Variants in DRICH1 observed in about 807,000 individuals in gnomAD.
DRICH1 encodes aspartate-rich protein 1.
Under a neutral mutation model 39.5 loss-of-function variants are expected in DRICH1, and 38 were observed. The ratio of observed to expected loss-of-function variants is 0.96; its 90% CI spans 0.74 to 1.26. DRICH1 has a LOEUF of 1.26. Ranked by LOEUF, DRICH1 falls within the 50% of genes most tolerant of loss-of-function variation. The probability of loss-of-function intolerance (pLI) is 0.00; values close to 1 mark genes in which losing one functional copy is unlikely to be tolerated. For synonymous variants in DRICH1, 84 were observed against 99.5 expected, an observed-to-expected ratio of 0.84 and a Z score of 0.93; for missense variants, 279 against 270.4, an observed-to-expected ratio of 1.03 and a Z score of -0.22.
chr22:23,623,746 C>CAAA, intron 3 of DRICH1: 1 of 164,814 alleles, frequency 6.1e-6, no homozygotes, highest in Non-Finnish European at 1.3e-5. Flanking sequence ...AGATTGAAAT[C>CAAA]TACAAAAAAC....
At chr22:23,624,457 T>C (rs528758522) in intron 3 of DRICH1, 1 of 599,004 alleles carries the variant, frequency 1.7e-6, no homozygotes, top group South Asian at 7.3e-5. Flanking sequence ...TTTCTTTTTC[T>C]GTTTCTACAC....
chr22:23,583,039 G>A, the DRICH1 span: 2 of 152,218 alleles, frequency 1.3e-5, no homozygotes, highest in South Asian at 4.1e-4. Flanking sequence ...CCAGCATTTT[G>A]TTAAAGTGAG....
At chr22:23,629,779 A>G (rs8136933) in intron 1 of DRICH1, among the ~76,000 whole-genome samples, 42,956 of 151,534 alleles carry the variant, frequency 0.28, 6,250 homozygotes, top group African/African-American at 0.35. Context: ...CACCATGGCC[A>G]GCTAATTTTT....
At chr22:23,595,906 C>T in the DRICH1 span, among the ~76,000 whole-genome samples, 162 of 152,228 alleles carry the variant, frequency 1.1e-3, 2 homozygotes, top group South Asian at 9.1e-3. Context: ...CCATGGGGGA[C>T]GTTCATAACT....
In DRICH1 at chr22:23,612,236, C is replaced by T. The variant is rs184285198; in HGVS notation, c.685+1053G>A. On this transcript the variant is annotated intron_variant, in intron 11 of 11. Transcript: ENST00000317749. ...ATCCAAGCACTTTGGGAGGCTGAGGCGGGCAGATCGCCTGAGCTGAGGAGT... is the reference window on the plus strand; with the variant it reads ...ATCCAAGCACTTTGGGAGGCTGAGGTGGGCAGATCGCCTGAGCTGAGGAGT... Among the ~76,000 whole-genome samples the T allele has an allele frequency of 2.9e-3, 438 of 152,012 alleles. 3 individuals are homozygous for T. Among genetic ancestry groups the T allele is most frequent in the African/African-American group, 9.9e-3 (409 of 41,470 alleles).
rs374692477 is a variant in DRICH1, at chr22:23,620,623, G to A, written c.385-8C>T. The A allele has an allele frequency of 1.7e-4, 271 of 1,613,520 alleles. No individual in the cohort carries two copies. Among genetic ancestry groups the A allele is most frequent in the Admixed American group, 8.0e-4 (48 of 59,990 alleles). On this transcript the variant is annotated splice_polypyrimidine_tract_variant and splice_region_variant and intron_variant, in intron 4 of 11. Coordinates refer to ENST00000317749, the MANE Select transcript of DRICH1 (RefSeq NM_016449.4). ...GACACGTGACGGTAAAATCTGCAACGAGACAAAAGAAGATGCTATGAGGAT... is the reference window on the plus strand; with the variant it reads ...GACACGTGACGGTAAAATCTGCAACAAGACAAAAGAAGATGCTATGAGGAT...
chr22:23,607,513 G>A (rs1202489667), downstream of DRICH1, among the ~76,000 whole-genome samples: 1 of 145,844 alleles, frequency 6.9e-6, no homozygotes, highest in Non-Finnish European at 1.5e-5. Context: ...CCTTGGCCGT[G>A]GCCATGTCCT....
chr22:23,630,080 G>A (rs1294813512), intron 1 of DRICH1, among the ~76,000 whole-genome samples: 1 of 152,204 alleles, frequency 6.6e-6, no homozygotes, highest in African/African-American at 2.4e-5. Flanking sequence ...CTCAGAATCT[G>A]TGAGCTGACC....
At chr22:23,614,518 T>G (rs1927238411) in intron 8 of DRICH1, among the ~76,000 whole-genome samples, 1 of 152,206 alleles carries the variant, frequency 6.6e-6, no homozygotes, top group Non-Finnish European at 1.5e-5. Context: ...TCAAATGTTT[T>G]GAAACTCTTC....
At chr22:23,628,811 C>T (rs1429216383) in intron 1 of DRICH1, among the ~76,000 whole-genome samples, 1 of 152,066 alleles carries the variant, frequency 6.6e-6, no homozygotes. Flanking sequence ...CCTGCTCTGC[C>T]CCCCCACCAA....
chr22:23,616,867 G>A lies in DRICH1; in HGVS notation c.527C>T (p.Pro176Leu), dbSNP rs150057438. The A allele has an allele frequency of 5.2e-4, 834 of 1,613,960 alleles. 2 individuals carry two copies. In the African/African-American group the frequency reaches 7.5e-3, roughly 14 times the overall value. The stretch of plus-strand genomic sequence containing the variant: ...AAGGTACATACCCTGGACAGGTGAC[G>A]GTAAAATCTGCAATGAGATAAAAGA... ...DDDDDDAQIL[P>L]SPVQACSEDS... The change falls in exon 8 of 12, where the codon CCG becomes CTG. Residue 176 changes from proline to leucine, a missense_variant. By Grantham distance (98) the Pro-to-Leu change is moderately conservative. Coordinates refer to ENST00000317749, the MANE Select transcript of DRICH1 (RefSeq NM_016449.4).
chr22:23,620,712 G>A (rs907972172), intron 4 of DRICH1, 97 bp from the exon 5 acceptor site: 35 of 1,404,810 alleles, frequency 2.5e-5, no homozygotes, highest in Non-Finnish European at 3.4e-5. Context: ...CAGAAAACTA[G>A]TTGTGAAACT....
At chr22:23,613,749 A>G in intron 9 of DRICH1, 89 bp from the exon 10 acceptor site, 1 of 994,186 alleles carries the variant, frequency 1.0e-6, no homozygotes, top group Non-Finnish European at 1.5e-6. Context: ...ACGATAAAAA[A>G]CCAGAAGGCA....
At position 23,620,590 on chromosome 22, in the gene DRICH1, A is replaced by G. The variant is rs1239507725; in HGVS notation, c.406+4T>C. ...CAGAAAGTGAGTTAGTTCAAGGTACATACCCTGGACACGTGACGGTAAAAT... is the reference window on the plus strand; with the variant it reads ...CAGAAAGTGAGTTAGTTCAAGGTACGTACCCTGGACACGTGACGGTAAAAT... On this transcript the variant is annotated splice_donor_region_variant and intron_variant, in intron 5 of 11. Transcript: ENST00000317749. The G allele has an allele frequency of 8.1e-6, 13 of 1,613,690 alleles. No individual in the cohort carries two copies. Among genetic ancestry groups the G allele is most frequent in the East Asian group, 4.5e-5 (2 of 44,898 alleles).
At chr22:23,589,480 A>G in the DRICH1 span, among the ~76,000 whole-genome samples, 2 of 113,056 alleles carry the variant, frequency 1.8e-5, no homozygotes, top group South Asian at 6.2e-4. Context: ...ATACATATGT[A>G]CATATATATA....
chr22:23,592,929 G>A, the DRICH1 span, among the ~76,000 whole-genome samples: 1 of 151,684 alleles, frequency 6.6e-6, no homozygotes, highest in African/African-American at 2.4e-5. Context: ...CTACTCGGGA[G>A]GCTGAGGCAG....
At chr22:23,614,528 CA>C (rs1293085031) in intron 8 of DRICH1, among the ~76,000 whole-genome samples, 1 of 152,186 alleles carries the variant, frequency 6.6e-6, no homozygotes, top group Admixed American at 6.5e-5. Context: ...TGAAACTCTT[CA>C]AAACCAACAG....
chr22:23,609,694 C>T (rs890866909), intron 11 of DRICH1, among the ~76,000 whole-genome samples: 3 of 152,278 alleles, frequency 2.0e-5, no homozygotes, highest in South Asian at 2.1e-4. Context: ...CCCAAACTCA[C>T]GGCCTCCTCA....
At chr22:23,616,907 T>G (rs756263921) in intron 7 of DRICH1, 33 bp from the exon 8 acceptor site, 2 of 1,612,572 alleles carry the variant, frequency 1.2e-6, no homozygotes, top group East Asian at 2.2e-5. Flanking sequence ...GCTGTAAGGA[T>G]CAGATCAATT....
Sources: allele counts gnomAD v4.1 joint callset (sites outside exome capture counted in the v4.1 genomes callset), GRCh38; gene constraint gnomAD v4.1.1; transcripts MANE v1.5; gene names NCBI Gene and HGNC (gene_info 2026-07-23, HGNC 2026-07-21).